SPOPL: variants seen among roughly 807,000 people sequenced by gnomAD.
SPOPL encodes the protein speckle-type POZ protein-like.
A neutral mutation model predicts 53.8 loss-of-function variants in SPOPL; 23 were observed. The observed-to-expected ratio is 0.43, with a 90% confidence interval of 0.31 to 0.61. The LOEUF (loss-of-function observed/expected upper bound fraction) is 0.61, where lower values mean the gene tolerates loss of function less well. Among genes scored for constraint, SPOPL ranks in the 20% least tolerant of loss-of-function variants. The pLI is 0.12. For missense variants in SPOPL, 442 were observed against 466.9 expected (o/e 0.95, Z 0.49); for synonymous variants, 164 against 149.7 (o/e 1.10, Z -0.70).
chr2:138,539,130 C>G (rs1233968558), intron 1 of SPOPL, among the ~76,000 whole-genome samples: 10 of 151,808 alleles, frequency 6.6e-5, no homozygotes, highest in Non-Finnish European at 1.5e-4. Flanking sequence ...GTGCCACATT[C>G]TCTTAATCCA....
intron 1 of SPOPL, among the ~76,000 whole-genome samples, chr2:138,528,354 T>TA (rs889647975): frequency 3.8e-4 from 58 of 152,250 alleles, no homozygotes; most frequent in African/African-American, 1.4e-3. Flanking sequence ...CATGGATACT[T>TA]ACAGTACCCT....
At chr2:138,554,392 C>T (rs899241385) in intron 5 of SPOPL, 15 of 1,108,498 alleles carry the variant, frequency 1.4e-5, no homozygotes, top group Non-Finnish European at 1.8e-5. Flanking sequence ...TCTTCATGCC[C>T]TCCACTGTTT....
At chr2:138,539,835 C>T (rs1685027651) in intron 1 of SPOPL, among the ~76,000 whole-genome samples, 1 of 152,150 alleles carries the variant, frequency 6.6e-6, no homozygotes, top group South Asian at 2.1e-4. Flanking sequence ...ATGCGTATGT[C>T]CTGAACGGTA....
chr2:138,556,121 CTT>C (rs901519940), intron 5 of SPOPL, among the ~76,000 whole-genome samples: 3 of 152,066 alleles, frequency 2.0e-5, no homozygotes, highest in Admixed American at 6.5e-5. Context: ...TAAGAAGTCT[CTT>C]GAATACTCTT....
chr2:138,557,724 T>A (rs932725474), intron 5 of SPOPL, among the ~76,000 whole-genome samples: 5 of 152,248 alleles, frequency 3.3e-5, no homozygotes, highest in Admixed American at 3.3e-4. Flanking sequence ...GTAGCACTTT[T>A]TGTTTTGTTT....
Position 138,524,479 on chromosome 2 carries a change from C to T in SPOPL, c.-61+22360C>T, listed in dbSNP as rs548413625. Among the ~76,000 whole-genome samples, 6 of 152,250 alleles carry T rather than the reference C, an allele frequency of 3.9e-5. No individual in the cohort carries two copies. The East Asian group carries it at 9.6e-4, about 24-fold the overall frequency. On this transcript the variant is annotated intron_variant, in intron 1 of 10. Transcript: ENST00000280098. The stretch of plus-strand genomic sequence containing the variant: ...ATTTCTGCAGCTGACTTGAACTTCT[C>T]CTCAGAAAATGGGATTTTCTTTCCT...
chr2:138,558,980 T>C lies in SPOPL; in HGVS notation c.481-42T>C, dbSNP rs1025737627. 6 of 1,512,244 alleles carry C rather than the reference T, an allele frequency of 4.0e-6. No individual in the cohort carries two copies. In the African/African-American group the frequency reaches 7.0e-5, roughly 18 times the overall value. The allele number at this position is 1,512,244 out of a possible 1,614,324, so 93.7% of individuals were successfully genotyped here. A position where few individuals can be genotyped will look rare whatever the true frequency, so the allele number is the denominator to read the frequency against. On this transcript the variant is annotated intron_variant, in intron 5 of 10. Coordinates refer to ENST00000280098, the MANE Select transcript of SPOPL (RefSeq NM_001001664.3). ...ATGGACTTAAACTAATTACTGATAT[T>C]ACTTTGTGAAAGTGTTTTTCTTGCT...
At chr2:138,567,372 AGT>A (rs57208490) in intron 10 of SPOPL, among the ~76,000 whole-genome samples, 10,733 of 112,540 alleles carry the variant, frequency 0.095, 550 homozygotes, top group Non-Finnish European at 0.12. Flanking sequence ...AGAGCAGTAT[AGT>A]GTGTGTGTGT....
intron 10 of SPOPL, among the ~76,000 whole-genome samples, chr2:138,567,949 A>G (rs1188591377): frequency 6.6e-6 from 1 of 152,194 alleles, no homozygotes; most frequent in Non-Finnish European, 1.5e-5. Context: ...AAGCAGTTCA[A>G]TATCAGAGTA....
At chr2:138,526,977 C>T (rs1161120648) in intron 1 of SPOPL, among the ~76,000 whole-genome samples, 1 of 152,154 alleles carries the variant, frequency 6.6e-6, no homozygotes, top group African/African-American at 2.4e-5. Context: ...CCACCTGCCT[C>T]GACTTCCCAA....
chr2:138,545,882 A>T (rs1367974830), intron 1 of SPOPL, among the ~76,000 whole-genome samples: 1 of 152,194 alleles, frequency 6.6e-6, no homozygotes, highest in Non-Finnish European at 1.5e-5. Context: ...ACATTTTTAC[A>T]TATCTACGAA....
At chr2:138,516,120 AT>A (rs34836589) in intron 1 of SPOPL, among the ~76,000 whole-genome samples, 1 of 152,142 alleles carries the variant, frequency 6.6e-6, no homozygotes, top group Non-Finnish European at 1.5e-5. Context: ...GCTTTTTAAG[AT>A]TTTTTTACAG....
intron 1 of SPOPL, among the ~76,000 whole-genome samples, chr2:138,543,937 G>C (rs1021279270): frequency 3.9e-4 from 59 of 152,160 alleles, no homozygotes; most frequent in Non-Finnish European, 5.9e-5. Flanking sequence ...TCCTGTGTTA[G>C]TTTTCCTTCT....
At chr2:138,561,013 A>C in intron 8 of SPOPL, 86 bp downstream of exon 8, 2 of 1,485,258 alleles carry the variant, frequency 1.3e-6, no homozygotes, top group Non-Finnish European at 1.8e-6. Context: ...ACTCCAAATA[A>C]CTCGTATTTT....
At chr2:138,535,606 T>C (rs1046349422) in intron 1 of SPOPL, among the ~76,000 whole-genome samples, 1 of 149,546 alleles carries the variant, frequency 6.7e-6, no homozygotes, top group Non-Finnish European at 1.5e-5. Flanking sequence ...GTGATCCATG[T>C]GTTTGTGGGT....
chr2:138,532,926 C>G (rs1458729963), intron 1 of SPOPL, among the ~76,000 whole-genome samples: 1 of 152,108 alleles, frequency 6.6e-6, no homozygotes, highest in African/African-American at 2.4e-5. Flanking sequence ...CTGCTAGTTA[C>G]TCCATTATCC....
intron 10 of SPOPL, among the ~76,000 whole-genome samples, chr2:138,567,815 T>C (rs1352287354): frequency 1.3e-5 from 2 of 152,246 alleles, no homozygotes; most frequent in Admixed American, 6.5e-5. Context: ...AATATTTGGA[T>C]ATTATTTGGA....
chr2:138,525,708 C>T (rs1188011311), intron 1 of SPOPL, among the ~76,000 whole-genome samples: 2 of 149,264 alleles, frequency 1.3e-5, no homozygotes, highest in African/African-American at 5.0e-5. Flanking sequence ...TATGGTGGCA[C>T]ATGGCTGTAT....
rs1453680641 is a variant in SPOPL at position 138,573,164 on chromosome 2, G to T, written c.*4084G>T. The T allele has an allele frequency of 6.6e-6, 1 of 151,474 alleles. No homozygotes were observed. The highest frequency in any genetic ancestry group is 1.5e-5 in the Non-Finnish European group (1 of 67,972). The allele number at this position is 151,474 out of a possible 1,614,324, so 9.4% of individuals were successfully genotyped here. On this transcript the variant is annotated 3_prime_UTR_variant, in exon 11 of 11. Transcript: ENST00000280098. ...ATAAGATACATAATACATGTATCTT[G>T]TTGCTGAAAATATTTTTTGCATTTC...
Sources: gnomAD v4.1 joint callset for allele counts (sites outside exome capture counted in the v4.1 genomes callset) on GRCh38, gnomAD v4.1.1 for gene constraint, MANE v1.5 for transcripts, NCBI Gene and HGNC (gene_info 2026-07-23, HGNC 2026-07-21) for gene names.